Variants in FANK1 observed in about 807,000 individuals in gnomAD.
FANK1 encodes the protein fibronectin type 3 and ankyrin repeat domains protein 1.
Under a neutral mutation model 45.3 loss-of-function variants are expected in FANK1, and 44 were observed. That is an observed-to-expected ratio of 0.97 (90% CI 0.76 to 1.25). The LOEUF (loss-of-function observed/expected upper bound fraction) is 1.25, where lower values mean the gene tolerates loss of function less well. Ranked by LOEUF, FANK1 falls within the 50% of genes most tolerant of loss-of-function variation. FANK1 has a pLI of 0.00. For synonymous variants in FANK1, 149 were observed against 152.5 expected (o/e 0.98, Z 0.17); for missense variants, 391 against 424.4 (o/e 0.92, Z 0.69).
Position 125,905,740 on chromosome 10 carries a change from A to T in FANK1, c.13+9085A>T, listed in dbSNP as rs568672922. ...TAGTTTCGATATCAAGTTTATCTTA[A>T]TCTCAAAAAATGAGCTTGGCTCTGT... On this transcript the variant is annotated intron_variant, in intron 1 of 10. Coordinates refer to ENST00000368693, the MANE Select transcript of FANK1 (RefSeq NM_145235.5). Among the ~76,000 whole-genome samples, 308 of 152,296 alleles carry T rather than the reference A, an allele frequency of 2.0e-3. 1 individual carries two copies. The highest frequency in any genetic ancestry group is 0.014 in the Middle Eastern group (4 of 294).
chr10:125,931,586 T>A (rs1947754467), intron 1 of FANK1, among the ~76,000 whole-genome samples: 1 of 152,144 alleles, frequency 6.6e-6, no homozygotes, highest in African/African-American at 2.4e-5. Context: ...CTGATTTGAG[T>A]TTGTTGTAGA....
intron 1 of FANK1, among the ~76,000 whole-genome samples, chr10:125,949,988 C>G (rs1005202896): frequency 9.0e-5 from 10 of 111,092 alleles, no homozygotes; most frequent in Admixed American, 2.6e-4. Flanking sequence ...TGATCTTTGA[C>G]AAACGTGAGA....
At chr10:125,923,779 C>G (rs929478415) in intron 1 of FANK1, among the ~76,000 whole-genome samples, 2 of 152,120 alleles carry the variant, frequency 1.3e-5, no homozygotes, top group Non-Finnish European at 2.9e-5. Flanking sequence ...CCTCCCACTT[C>G]GGTCTCCCAA....
intron 1 of FANK1, among the ~76,000 whole-genome samples, chr10:125,910,804 G>T (rs1267575701): frequency 6.6e-6 from 1 of 152,172 alleles, no homozygotes; most frequent in African/African-American, 2.4e-5. Context: ...GGAGGCCGAG[G>T]TGGGCGGATC....
chr10:125,985,644 T>C (rs967770267), intron 2 of FANK1, among the ~76,000 whole-genome samples: 6 of 152,256 alleles, frequency 3.9e-5, no homozygotes, highest in African/African-American at 1.4e-4. Flanking sequence ...ATCTCAGTTA[T>C]CTGCTGCATG....
At chr10:125,947,901 T>G (rs1402278880) in intron 1 of FANK1, among the ~76,000 whole-genome samples, 2 of 143,032 alleles carry the variant, frequency 1.4e-5, no homozygotes, top group Non-Finnish European at 1.5e-5. Flanking sequence ...GAACAGAAAT[T>G]ATAACAAACT....
At chr10:125,978,597 G>A (rs374642211) in intron 1 of FANK1, among the ~76,000 whole-genome samples, 3 of 152,126 alleles carry the variant, frequency 2.0e-5, no homozygotes, top group Non-Finnish European at 2.9e-5. Flanking sequence ...GCAGCTGTCC[G>A]GCCACGTTTC....
intron 3 of FANK1, among the ~76,000 whole-genome samples, chr10:125,989,111 C>T (rs2134211197): frequency 6.6e-6 from 1 of 152,320 alleles, no homozygotes; most frequent in Non-Finnish European, 1.5e-5. Context: ...AAACCCGATT[C>T]CTGGGGTCAC....
intron 1 of FANK1, among the ~76,000 whole-genome samples, chr10:125,956,210 G>GC (rs1483871235): frequency 5.0e-5 from 7 of 141,318 alleles, no homozygotes; most frequent in Non-Finnish European, 9.2e-5. Flanking sequence ...TTTGGGGGGG[G>GC]GGCGGTGGTG....
At chr10:125,991,827 G>T (rs73370588) in intron 3 of FANK1, among the ~76,000 whole-genome samples, 1,689 of 152,248 alleles carry the variant, frequency 0.011, 31 homozygotes, top group African/African-American at 0.035. Flanking sequence ...AAAGGTGTTA[G>T]CACCATATTA....
chr10:125,916,808 A>C (rs1380415401), intron 1 of FANK1, among the ~76,000 whole-genome samples: 2 of 152,166 alleles, frequency 1.3e-5, no homozygotes, highest in Non-Finnish European at 2.9e-5. Context: ...AAGCTGAAGG[A>C]ATCTCAGAAA....
chr10:125,918,585 A>AAAAAATATATATATATATATAT (rs1554913277), intron 1 of FANK1, among the ~76,000 whole-genome samples: 1 of 70,974 alleles, frequency 1.4e-5, no homozygotes, highest in African/African-American at 7.9e-5. Flanking sequence ...AAAAAAAAAA[A>AAAAAATATATATATATATATAT]ATATATATAT....
chr10:125,957,768 C>A (rs10751536), intron 1 of FANK1, among the ~76,000 whole-genome samples: 105,665 of 151,906 alleles, frequency 0.7, 38,015 homozygotes, highest in South Asian at 0.79. Flanking sequence ...CAGGTAATCC[C>A]TTCGCCTTGG....
chr10:125,955,264 C>T (rs1949506056), intron 1 of FANK1, among the ~76,000 whole-genome samples: 1 of 152,024 alleles, frequency 6.6e-6, no homozygotes, highest in African/African-American at 2.4e-5. Flanking sequence ...CCCTCCCCAC[C>T]CACCTCCCCG....
Position 125,983,312 on chromosome 10 carries a change from C to T in FANK1, c.191+2974C>T, listed in dbSNP as rs576389118. On this transcript the variant is annotated intron_variant, in intron 2 of 10. Coordinates refer to ENST00000368693, the MANE Select transcript of FANK1 (RefSeq NM_145235.5). The surrounding 1 kb of genome is among the most constrained non-coding windows in gnomAD (Gnocchi z 4.3). ...CCTGTGATCGTTGCTGCCCATGCCA[C>T]GCATTCCATTTATTCCATCAGCGTG... Among the ~76,000 whole-genome samples, 9 of 152,260 alleles carry T rather than the reference C, an allele frequency of 5.9e-5. No homozygotes were observed. The highest frequency in any genetic ancestry group is 3.9e-4 in the East Asian group (2 of 5,182).
chr10:125,910,313 GTTT>G (rs1945888748), intron 1 of FANK1, among the ~76,000 whole-genome samples: 1 of 151,982 alleles, frequency 6.6e-6, no homozygotes, highest in African/African-American at 2.4e-5. Context: ...TTTACACTTT[GTTT>G]TCTTTTTACT....
At chr10:125,969,461 G>A (rs1384386562) in intron 1 of FANK1, among the ~76,000 whole-genome samples, 1 of 152,104 alleles carries the variant, frequency 6.6e-6, no homozygotes, top group Non-Finnish European at 1.5e-5. Context: ...CTATGAATGT[G>A]TATCTGTGGG....
chr10:125,988,885 T>TCCCA (rs1455403417), intron 3 of FANK1: 10 of 753,094 alleles, frequency 1.3e-5, no homozygotes, highest in Admixed American at 6.4e-5. Context: ...GGGAGAGCTA[T>TCCCA]TTTTGTGCCA....
At chr10:125,931,175 A>T (rs1367686913) in intron 1 of FANK1, among the ~76,000 whole-genome samples, 1 of 152,222 alleles carries the variant, frequency 6.6e-6, no homozygotes, top group Non-Finnish European at 1.5e-5. Flanking sequence ...CGCTATAAAC[A>T]TGCATGTGCA....
Sources: allele counts gnomAD v4.1 joint callset (sites outside exome capture counted in the v4.1 genomes callset), GRCh38; gene constraint gnomAD v4.1.1; non-coding constraint Gnocchi (gnomAD v3.1); transcripts MANE v1.5; gene names NCBI Gene and HGNC (gene_info 2026-07-23, HGNC 2026-07-21).